The following CLTA variants were observed in gnomAD, a reference collection of about 807,000 sequenced individuals.
CLTA encodes the protein clathrin, light polypeptide (Lca).
In CLTA, 9 loss-of-function variants were observed where a neutral mutation model predicts 26.9. That is an observed-to-expected ratio of 0.33 (90% CI 0.20 to 0.58). The LOEUF (loss-of-function observed/expected upper bound fraction) is 0.58, where lower values mean the gene tolerates loss of function less well. CLTA is among the 20% of genes least tolerant of loss of function. The pLI, the probability that CLTA is intolerant of heterozygous loss-of-function variation, is 0.85. For synonymous variants in CLTA, 120 were observed against 115.5 expected (o/e 1.04, Z -0.25); for missense variants, 278 against 294.2 (o/e 0.94, Z 0.40).
intron 3 of CLTA, among the ~76,000 whole-genome samples, chr9:36,201,649 C>T (rs551463550): frequency 6.6e-6 from 1 of 152,092 alleles, no homozygotes. Flanking sequence ...ACTGTCCAAT[C>T]AAAAAGGTAA....
chr9:36,194,517 G>A (rs1826918314), intron 1 of CLTA, among the ~76,000 whole-genome samples: 1 of 152,232 alleles, frequency 6.6e-6, no homozygotes, highest in South Asian at 2.1e-4. Context: ...CACAGGTTAA[G>A]TGGTAGTGTC....
chr9:36,201,465 T>C (rs1353026433), intron 3 of CLTA, among the ~76,000 whole-genome samples: 3 of 152,218 alleles, frequency 2.0e-5, no homozygotes, highest in Admixed American at 2.0e-4. Context: ...AGTATTGCAG[T>C]GGCACTAAAG....
rs372840145 is a variant in CLTA, at chr9:36,211,674, G to A, written c.557G>A (p.Arg186Gln). 4.3e-6 allele frequency: 7 copies of A among 1,613,932 alleles called. No homozygotes were observed. The highest frequency in any genetic ancestry group is 3.3e-5 in the South Asian group (3 of 91,082). Residue 186 changes from arginine (R) to glutamine (Q), a missense_variant, in exon 5 of 5, where the codon CGG becomes CAG. Physicochemically the swap from Arg to Gln is conservative, Grantham distance 43 (BLOSUM62 1). Coordinates refer to ENST00000345519, the MANE Select transcript of CLTA (RefSeq NM_001833.4). Reference protein sequence around the residue: ...SPGTEWERVARLCDFNPKSSK... With the variant: ...SPGTEWERVAQLCDFNPKSSK... Reference sequence around the variant, plus strand: ...GGCACTGAGTGGGAACGGGTGGCCCGGCTGTGTGACTTTAACCCCAAGTCT... The same window carrying A: ...GGCACTGAGTGGGAACGGGTGGCCCAGCTGTGTGACTTTAACCCCAAGTCT...
chr9:36,190,958 C>T lies in CLTA; in HGVS notation c.-99C>T, dbSNP rs555878442. ...TCTCCCTCCTGGCGCTTGTCCTCCT[C>T]TCCCAGTCGGCACCACAGCGGTGGC... On this transcript the variant is annotated 5_prime_UTR_variant, in exon 1 of 5. Coordinates refer to ENST00000345519, the MANE Select transcript of CLTA (RefSeq NM_001833.4). The T allele has an allele frequency of 4.2e-6, 6 of 1,442,680 alleles. No individual in the cohort carries two copies. The East Asian group carries it at 1.0e-4, about 25-fold the overall frequency. The allele number at this position is 1,442,680 out of a possible 1,614,324, so 89.4% of individuals were successfully genotyped here.
Position 36,210,466 on chromosome 9 carries a change from G to A in CLTA, c.486-1137G>A, listed in dbSNP as rs1477543607. 6.5e-6 allele frequency: 4 copies of A among 614,490 alleles called. No homozygotes were observed. In the African/African-American group the frequency reaches 8.0e-5, roughly 12 times the overall value. The allele number at this position is 614,490 out of a possible 1,614,324, so 38.1% of individuals were successfully genotyped here. On this transcript the variant is annotated intron_variant, in intron 4 of 4. Transcript: ENST00000345519. ...TGGAAAGGTCGAGTCTGGTTTTGCT[G>A]GGCAGCTGGGTGGCCAGCAAAGCCA...
rs1023665578 is a variant in CLTA at position 36,205,540 on chromosome 9, T to C, written c.485+1361T>C. ...CCAGCCTGCGACCCCAGCATTTAAG[T>C]TTAGTCTGAAGTACTGTAGCTGTGC... On this transcript the variant is annotated intron_variant, in intron 4 of 4. Coordinates refer to ENST00000345519, the MANE Select transcript of CLTA (RefSeq NM_001833.4). Among the ~76,000 whole-genome samples, 4 of 152,302 alleles carry C rather than the reference T, an allele frequency of 2.6e-5. No individual in the cohort carries two copies. In the South Asian group the frequency reaches 8.3e-4, roughly 32 times the overall value.
In CLTA at chr9:36,190,953, C is replaced by A; in HGVS notation, c.-104C>A. On this transcript the variant is annotated 5_prime_UTR_variant, in exon 1 of 5. Coordinates refer to ENST00000345519, the MANE Select transcript of CLTA (RefSeq NM_001833.4). ...ACCCGTCTCCCTCCTGGCGCTTGTC[C>A]TCCTCTCCCAGTCGGCACCACAGCG... 2 of 1,436,844 alleles carry A rather than the reference C, an allele frequency of 1.4e-6. No individual in the cohort carries two copies. The highest frequency in any genetic ancestry group is 9.1e-7 in the Non-Finnish European group (1 of 1,103,962). The allele number at this position is 1,436,844 out of a possible 1,614,324, so 89.0% of individuals were successfully genotyped here. A position where few individuals can be genotyped will look rare whatever the true frequency, so the allele number is the denominator to read the frequency against.
chr9:36,204,159 G>A lies in CLTA; in HGVS notation c.465G>A (p.Gln155=). The A allele has an allele frequency of 6.2e-7, 1 of 1,613,962 alleles. No individual in the cohort carries two copies. Among genetic ancestry groups the A allele is most frequent in the African/African-American group, 1.3e-5 (1 of 75,062 alleles). Residue 155 remains glutamine (Q), a synonymous_variant, in exon 4 of 5, where the codon CAG becomes CAA. Coordinates refer to ENST00000345519, the MANE Select transcript of CLTA (RefSeq NM_001833.4). ...EWYARQDEQL[Q]KTKANNRAAE... is the part of the protein sequence containing the mutation. ...ATGCAAGACAGGACGAGCAGCTACA[G>A]AAAACAAAAGCAAACAACAGGTCAG...
chr9:36,194,089 G>A (rs559118904), intron 1 of CLTA, among the ~76,000 whole-genome samples: 6 of 152,222 alleles, frequency 3.9e-5, no homozygotes, highest in African/African-American at 1.2e-4. Flanking sequence ...GCAGTGGTGC[G>A]ATCTCGGTTC....
chr9:36,203,007 A>G lies in CLTA; in HGVS notation c.374-1061A>G, dbSNP rs925867969. On this transcript the variant is annotated intron_variant, in intron 3 of 4. Coordinates refer to ENST00000345519, the MANE Select transcript of CLTA (RefSeq NM_001833.4). ...CCACCACATCCAGCTAATTTTTTGTATTTTTAGTAGAGACGGGATTTTACC... is the reference window on the plus strand; with the variant it reads ...CCACCACATCCAGCTAATTTTTTGTGTTTTTAGTAGAGACGGGATTTTACC... 3.4e-4 allele frequency among the ~76,000 whole-genome samples: 51 copies of G among 151,850 alleles called. 1 individual carries two copies. Among genetic ancestry groups the G allele is most frequent in the South Asian group, 2.1e-4 (1 of 4,806 alleles).
At chr9:36,201,973 T>TTGTG (rs1279104801) in intron 3 of CLTA, among the ~76,000 whole-genome samples, 4 of 149,872 alleles carry the variant, frequency 2.7e-5, no homozygotes, top group Admixed American at 2.7e-4. Context: ...TAGCTGGGGG[T>TTGTG]TGTGGTGCAC....
Position 36,190,931 on chromosome 9 carries a change from C to T in CLTA, c.-126C>T, listed in dbSNP as rs575103299. On this transcript the variant is annotated 5_prime_UTR_variant, in exon 1 of 5. Coordinates refer to ENST00000345519, the MANE Select transcript of CLTA (RefSeq NM_001833.4). ...ACACGGGTAGGGCTTCCGCTTTACC[C>T]GTCTCCCTCCTGGCGCTTGTCCTCC... The T allele has an allele frequency of 5.0e-6, 7 of 1,409,434 alleles. No homozygotes were observed. Among genetic ancestry groups the T allele is most frequent in the African/African-American group, 3.0e-5 (2 of 66,912 alleles). 87.3% of individuals were successfully genotyped at this position (1,409,434 alleles called of 1,614,324 possible).
rs1587246050 is a variant in CLTA, at chr9:36,207,962, T to C, written c.486-3641T>C. Among the ~76,000 whole-genome samples the C allele has an allele frequency of 3.9e-5, 6 of 152,222 alleles. No individual in the cohort carries two copies. The South Asian group carries it at 1.2e-3, about 32-fold the overall frequency. On this transcript the variant is annotated intron_variant, in intron 4 of 4. Transcript: ENST00000345519. ...TTTCCTGCTGAGTCACTTTAAGTTA[T>C]AATCAGCCTGCTCTTTTTGCTTTCT...
chr9:36,203,449 C>A (rs1827537370), intron 3 of CLTA, among the ~76,000 whole-genome samples: 1 of 152,170 alleles, frequency 6.6e-6, no homozygotes, highest in Non-Finnish European at 1.5e-5. Context: ...TGCTAATATT[C>A]TGTGTTCTAT....
At chr9:36,201,204 A>G (rs1267199355) in intron 3 of CLTA, among the ~76,000 whole-genome samples, 1 of 152,222 alleles carries the variant, frequency 6.6e-6, no homozygotes, top group Non-Finnish European at 1.5e-5. Flanking sequence ...AATTGAATTC[A>G]CTTGGTTCAT....
chr9:36,198,537 G>C (rs940186058), intron 2 of CLTA, among the ~76,000 whole-genome samples: 6 of 151,556 alleles, frequency 4.0e-5, no homozygotes, highest in Non-Finnish European at 8.8e-5. Context: ...TTAACCAGGC[G>C]GTAGTGGCAT....
At chr9:36,200,439 C>G (rs1187285488) in intron 3 of CLTA, among the ~76,000 whole-genome samples, 1 of 152,192 alleles carries the variant, frequency 6.6e-6, no homozygotes, top group Non-Finnish European at 1.5e-5. Context: ...ATGACATTCT[C>G]CTATGTAACC....
rs568990631 is a variant in CLTA, at chr9:36,197,531, C to T, written c.218-20C>T. 19 of 1,605,514 alleles carry T rather than the reference C, an allele frequency of 1.2e-5. No individual in the cohort carries two copies. Among genetic ancestry groups the T allele is most frequent in the Non-Finnish European group, 1.5e-5 (18 of 1,173,352 alleles). On this transcript the variant is annotated intron_variant, in intron 1 of 4. Transcript: ENST00000345519. ...GTTTGACCAGTCCTTATTGATAGACCAAAATCTTATGTCTTGCAGATGCTG... is the reference window on the plus strand; with the variant it reads ...GTTTGACCAGTCCTTATTGATAGACTAAAATCTTATGTCTTGCAGATGCTG...
At chr9:36,197,841 A>G (rs962630232) in intron 2 of CLTA, among the ~76,000 whole-genome samples, 56 of 152,320 alleles carry the variant, frequency 3.7e-4, no homozygotes, top group African/African-American at 1.2e-3. Context: ...TTCAAATGAT[A>G]CTGTGTTGAG....
Sources: allele counts gnomAD v4.1 joint callset (sites outside exome capture counted in the v4.1 genomes callset), GRCh38; gene constraint gnomAD v4.1.1; transcripts MANE v1.5; gene names NCBI Gene and HGNC (gene_info 2026-07-23, HGNC 2026-07-21).